WDR49: variants seen among roughly 807,000 people sequenced by gnomAD.
The protein encoded by WDR49 is cilia- and flagella-associated protein 337.
Under a neutral mutation model 119.5 loss-of-function variants are expected in WDR49, and 107 were observed. The observed-to-expected ratio is 0.90, with a 90% CI of 0.77 to 1.05. The LOEUF (loss-of-function observed/expected upper bound fraction) is 1.05, where lower values mean the gene tolerates loss of function less well. Ranked by LOEUF, WDR49 falls within the 50% of genes least tolerant of loss-of-function variation. The probability of loss-of-function intolerance (pLI) is 0.00; values close to 1 mark genes in which losing one functional copy is unlikely to be tolerated. For synonymous variants in WDR49, 425 were observed against 418.8 expected (o/e 1.01, Z -0.18); for missense variants, 1,240 against 1,220.5 (o/e 1.02, Z -0.24).
intron 7 of WDR49, 40 bp downstream of exon 7, chr3:167,602,087 G>C: frequency 6.5e-7 from 1 of 1,543,410 alleles, no homozygotes; most frequent in East Asian, 2.3e-5. Context: ...AGGAATCGGG[G>C]AAGCAAAACT....
intron 5 of WDR49, among the ~76,000 whole-genome samples, chr3:167,608,201 G>C (rs1716154732): frequency 6.6e-6 from 1 of 151,988 alleles, no homozygotes; most frequent in Admixed American, 6.6e-5. Flanking sequence ...TACAAAAAAG[G>C]GTTATTATAA....
In WDR49 at chr3:167,554,848, A is replaced by G. The variant is rs202146821; in HGVS notation, c.1675-50T>C. 24 of 1,344,010 alleles carry G rather than the reference A, an allele frequency of 1.8e-5. No individual in the cohort carries two copies. In the Admixed American group the frequency reaches 3.5e-4, roughly 20 times the overall value. 83.3% of individuals were successfully genotyped at this position (1,344,010 alleles called of 1,614,324 possible). The stretch of plus-strand genomic sequence containing the variant: ...TTTGAGACAGGAAGGTAAACTTTTT[A>G]TATTCTGAACCAGGATTAATTCATT... On this transcript the variant is annotated intron_variant, in intron 9 of 18. Transcript: ENST00000682715.
intron 16 of WDR49, among the ~76,000 whole-genome samples, chr3:167,515,893 G>A (rs981404274): frequency 6.6e-6 from 1 of 152,102 alleles, no homozygotes; most frequent in Admixed American, 6.6e-5. Flanking sequence ...AATCGCTACA[G>A]AGAATAAAAT....
chr3:167,546,774 T>A (rs747499646), intron 10 of WDR49, among the ~76,000 whole-genome samples: 2 of 151,622 alleles, frequency 1.3e-5, no homozygotes, highest in African/African-American at 2.4e-5. Context: ...TAACCCAAAC[T>A]TATCATGTAA....
chr3:167,595,012 C>T (rs1299097942), intron 7 of WDR49, among the ~76,000 whole-genome samples: 6 of 150,106 alleles, frequency 4.0e-5, no homozygotes, highest in African/African-American at 1.5e-4. Context: ...TAAGCAACTT[C>T]AGCAAAGTCT....
At chr3:167,653,592 AG>A (rs773157295) in intron 1 of WDR49, 93 bp from the exon 2 acceptor site, 43 of 748,762 alleles carry the variant, frequency 5.7e-5, no homozygotes, top group Non-Finnish European at 7.1e-5. Context: ...GTTCAAGCTG[AG>A]GTAGGAAATG....
At chr3:167,604,099 C>T (rs1403732662) in intron 6 of WDR49, among the ~76,000 whole-genome samples, 1 of 152,070 alleles carries the variant, frequency 6.6e-6, no homozygotes, top group Non-Finnish European at 1.5e-5. Context: ...GGCACTTTCT[C>T]ATATTTTTAC....
intron 10 of WDR49, among the ~76,000 whole-genome samples, chr3:167,546,690 G>GAA (rs1712223355): frequency 7.3e-6 from 1 of 137,006 alleles, no homozygotes; most frequent in South Asian, 2.2e-4. Flanking sequence ...CCTGTCAAGT[G>GAA]CAAAAAAAAA....
rs551897292 is a variant in WDR49, at chr3:167,489,594, T to A, written c.3031+10559A>T. ...GTGATGAAAAGGAAAGATGTGGTGG[T>A]CAGGAAAGTATCCAAAACATTTTTT... On this transcript the variant is annotated intron_variant, in intron 18 of 18. Transcript: ENST00000682715. 3.3e-4 allele frequency among the ~76,000 whole-genome samples: 51 copies of A among 152,254 alleles called. No individual in the cohort carries two copies. In the South Asian group the frequency reaches 8.3e-3, roughly 25 times the overall value.
intron 5 of WDR49, among the ~76,000 whole-genome samples, chr3:167,614,100 C>G (rs528427373): frequency 2.0e-5 from 3 of 152,200 alleles, no homozygotes; most frequent in East Asian, 1.9e-4. Flanking sequence ...TCTTGTCCCC[C>G]CTCCTGCGTC....
At chr3:167,507,199 A>G (rs1294723724) in intron 16 of WDR49, among the ~76,000 whole-genome samples, 1 of 152,184 alleles carries the variant, frequency 6.6e-6, no homozygotes, top group Non-Finnish European at 1.5e-5. Context: ...TCCTTGAATC[A>G]GGAGAGTATT....
intron 7 of WDR49, among the ~76,000 whole-genome samples, chr3:167,590,945 T>C (rs1025785989): frequency 3.3e-5 from 5 of 152,044 alleles, no homozygotes; most frequent in African/African-American, 1.2e-4. Context: ...CTGATCTTTA[T>C]TTTTTCTTCT....
At chr3:167,616,779 A>G (rs1716616518) in intron 5 of WDR49, among the ~76,000 whole-genome samples, 1 of 152,356 alleles carries the variant, frequency 6.6e-6, no homozygotes, top group South Asian at 2.1e-4. Flanking sequence ...ACACACCCCA[A>G]GAAAAACTAA....
rs1301152281 is a variant in WDR49 at position 167,527,981 on chromosome 3, T to G, written c.2443A>C (p.Lys815Gln). 6.2e-7 allele frequency: 1 copy of G among 1,613,144 alleles called. No individual in the cohort carries two copies. Among genetic ancestry groups the G allele is most frequent in the Non-Finnish European group, 8.5e-7 (1 of 1,179,474 alleles). Residue 815 changes from lysine (K) to glutamine (Q), a missense_variant, in exon 15 of 19, where the codon AAG becomes CAG. Physicochemically the swap from Lys to Gln is moderately conservative, Grantham distance 53 (BLOSUM62 1). Coordinates refer to ENST00000682715, the MANE Select transcript of WDR49 (RefSeq NM_001366157.1). ...AATGATCTTATCAGAGTTGGGGCCT[T>G]GGTGATTTTGTTCTTACTGGAGTTA... ...CLNSSKNKITKAPTLIRSFQP... is the reference protein window; with the variant it reads ...CLNSSKNKITQAPTLIRSFQP...
chr3:167,516,102 T>A (rs1385577889), intron 16 of WDR49, among the ~76,000 whole-genome samples: 1 of 152,086 alleles, frequency 6.6e-6, no homozygotes, highest in Non-Finnish European at 1.5e-5. Context: ...CAAACTACTC[T>A]TGAAATTTTT....
chr3:167,652,713 C>A (rs1362686755), intron 2 of WDR49, among the ~76,000 whole-genome samples: 1 of 152,004 alleles, frequency 6.6e-6, no homozygotes, highest in Non-Finnish European at 1.5e-5. Context: ...TGGCATTGTT[C>A]CAGGATTTAC....
At chr3:167,482,106 G>C (rs1438930323) in intron 18 of WDR49, among the ~76,000 whole-genome samples, 2 of 152,148 alleles carry the variant, frequency 1.3e-5, no homozygotes, top group Non-Finnish European at 2.9e-5. Context: ...TTAGACTTTA[G>C]AGATAAAGAG....
intron 17 of WDR49, 151 bp downstream of exon 17, chr3:167,505,156 C>A (rs1418422392): frequency 8.9e-7 from 1 of 1,119,116 alleles, no homozygotes; most frequent in East Asian, 3.8e-5. Context: ...CTGTACCTCA[C>A]TTTTCTCCTT....
intron 16 of WDR49, among the ~76,000 whole-genome samples, chr3:167,521,842 TAG>T (rs1244588794): frequency 6.6e-6 from 1 of 152,044 alleles, no homozygotes; most frequent in Non-Finnish European, 1.5e-5. Context: ...CTGAGCAACA[TAG>T]AGAGACGAGA....
Sources: allele counts gnomAD v4.1 joint callset (sites outside exome capture counted in the v4.1 genomes callset), GRCh38; gene constraint gnomAD v4.1.1; transcripts MANE v1.5; gene names NCBI Gene and HGNC (gene_info 2026-07-23, HGNC 2026-07-21).